Variants in TMTC1 observed in about 807,000 individuals in gnomAD.
The protein encoded by TMTC1 is transmembrane O-mannosyltransferase targeting cadherins 1.
A neutral mutation model predicts 104.8 loss-of-function variants in TMTC1; 73 were observed. That is an observed-to-expected ratio of 0.70 (90% CI 0.58 to 0.85). The LOEUF (loss-of-function observed/expected upper bound fraction) is 0.85. Ranked by LOEUF, TMTC1 falls within the 40% of genes least tolerant of loss-of-function variation. The pLI, the probability that TMTC1 is intolerant of heterozygous loss-of-function variation, is 0.00. For synonymous variants in TMTC1, 434 were observed against 428.7 expected (o/e 1.01, Z -0.15); for missense variants, 1,035 against 1,096.1 (o/e 0.94, Z 0.79).
upstream of TMTC1, chr12:29,784,410 C>G (rs1237349618): frequency 6.6e-6 from 1 of 152,272 alleles, no homozygotes; most frequent in African/African-American, 2.4e-5. Flanking sequence ...ACCCGCCCCG[C>G]GCTCGCGTCC....
intron 10 of TMTC1, among the ~76,000 whole-genome samples, chr12:29,540,458 T>A (rs946079018): frequency 6.6e-6 from 1 of 152,172 alleles, no homozygotes; most frequent in Non-Finnish European, 1.5e-5. Flanking sequence ...ACAGCTTCGA[T>A]AACACCTGGA....
chr12:29,642,872 C>T (rs1206046284), intron 5 of TMTC1, among the ~76,000 whole-genome samples: 1 of 151,738 alleles, frequency 6.6e-6, no homozygotes, highest in Non-Finnish European at 1.5e-5. Context: ...TTACAGTGAG[C>T]CGAGATCGCG....
Position 29,501,076 on chromosome 12 carries a change from G to T in TMTC1, c.*5770C>A, listed in dbSNP as rs1468259185. On this transcript the variant is annotated 3_prime_UTR_variant, in exon 18 of 18. Coordinates refer to ENST00000539277, the MANE Select transcript of TMTC1 (RefSeq NM_001193451.2). Reference sequence around the variant, plus strand: ...ATCATTTCCCCCTGACAAAAGGAGGGATCTGCGTGAATTACAGCAAATCAA... The same window carrying T: ...ATCATTTCCCCCTGACAAAAGGAGGTATCTGCGTGAATTACAGCAAATCAA... 6.6e-6 allele frequency: 1 copy of T among 152,484 alleles called. No individual in the cohort carries two copies. Among genetic ancestry groups the T allele is most frequent in the Non-Finnish European group, 1.5e-5 (1 of 68,028 alleles). The allele number at this position is 152,484 out of a possible 1,614,324, so 9.4% of individuals were successfully genotyped here. A position where few individuals can be genotyped will look rare whatever the true frequency, so the allele number is the denominator to read the frequency against.
intron 5 of TMTC1, among the ~76,000 whole-genome samples, chr12:29,712,033 A>G (rs1274110207): frequency 1.5e-5 from 2 of 136,680 alleles, no homozygotes; most frequent in African/African-American, 5.3e-5. Flanking sequence ...AAAAAAAAAA[A>G]AAGAGCAACC....
intron 3 of TMTC1, among the ~76,000 whole-genome samples, chr12:29,756,197 T>C (rs1412255679): frequency 6.6e-6 from 1 of 152,214 alleles, no homozygotes. Flanking sequence ...ATCGAGTTAC[T>C]AAACTATATG....
At chr12:29,742,398 C>T (rs887262273) in intron 5 of TMTC1, among the ~76,000 whole-genome samples, 8 of 152,058 alleles carry the variant, frequency 5.3e-5, no homozygotes, top group Non-Finnish European at 7.4e-5. Context: ...AATGACAGGT[C>T]GCTCATGAAG....
rs373860846 is a variant in TMTC1, at chr12:29,504,897, T to C, written c.*1949A>G. 6.6e-6 allele frequency: 1 copy of C among 152,200 alleles called. No homozygotes were observed. Among genetic ancestry groups the C allele is most frequent in the African/African-American group, 2.4e-5 (1 of 41,454 alleles). The allele number at this position is 152,200 out of a possible 1,614,324, so 9.4% of individuals were successfully genotyped here. ...CACTTTTTTCAATTTGAGGGTGTGG[T>C]TGTTATTTTACAATAAACACTGGAG... On this transcript the variant is annotated 3_prime_UTR_variant, in exon 18 of 18. Coordinates refer to ENST00000539277, the MANE Select transcript of TMTC1 (RefSeq NM_001193451.2).
At chr12:29,568,522 A>T (rs940047054) in intron 9 of TMTC1, among the ~76,000 whole-genome samples, 1 of 152,200 alleles carries the variant, frequency 6.6e-6, no homozygotes, top group Non-Finnish European at 1.5e-5. Flanking sequence ...TGAATTATGG[A>T]GGTGCTTTTG....
chr12:29,638,798 G>T (rs1158681413), intron 5 of TMTC1, among the ~76,000 whole-genome samples: 1 of 152,112 alleles, frequency 6.6e-6, no homozygotes, highest in Non-Finnish European at 1.5e-5. Context: ...CCTGCCAGGG[G>T]GATAAGGGAA....
At chr12:29,738,756 T>C (rs1191062840) in intron 5 of TMTC1, among the ~76,000 whole-genome samples, 3 of 152,248 alleles carry the variant, frequency 2.0e-5, no homozygotes, top group Non-Finnish European at 4.4e-5. Flanking sequence ...CATTATTTTC[T>C]GTTCTTTAGA....
chr12:29,760,773 C>T (rs1029164578), intron 2 of TMTC1, among the ~76,000 whole-genome samples: 15 of 150,928 alleles, frequency 9.9e-5, no homozygotes, highest in Middle Eastern at 3.6e-3. Context: ...TGTAGCGTTA[C>T]ATTTTATTGC....
intron 2 of TMTC1, among the ~76,000 whole-genome samples, chr12:29,762,044 G>A (rs1014249429): frequency 3.3e-5 from 5 of 152,000 alleles, no homozygotes; most frequent in Admixed American, 6.6e-5. Context: ...ATGCCTAGCC[G>A]GGTGTGCACC....
chr12:29,566,064 T>C (rs1338402423), intron 9 of TMTC1, among the ~76,000 whole-genome samples: 1 of 151,678 alleles, frequency 6.6e-6, no homozygotes, highest in East Asian at 1.9e-4. Context: ...TGGAGAAAAA[T>C]GAAGCAAAGA....
At chr12:29,604,989 T>A (rs923876227) in intron 6 of TMTC1, among the ~76,000 whole-genome samples, 4 of 152,182 alleles carry the variant, frequency 2.6e-5, no homozygotes, top group African/African-American at 9.6e-5. Context: ...ATGTCACTTA[T>A]AATTAACAGA....
intron 10 of TMTC1, among the ~76,000 whole-genome samples, chr12:29,548,912 T>C (rs1040391668): frequency 6.9e-6 from 1 of 143,982 alleles, no homozygotes; most frequent in African/African-American, 2.5e-5. Context: ...TTAATATATT[T>C]ATTTACATAT....
intron 5 of TMTC1, among the ~76,000 whole-genome samples, chr12:29,709,129 T>A (rs879801001): frequency 1.3e-5 from 2 of 152,218 alleles, no homozygotes; most frequent in Admixed American, 6.5e-5. Context: ...ATTCCATCTA[T>A]AACACACTCA....
intron 7 of TMTC1, among the ~76,000 whole-genome samples, chr12:29,595,307 C>T: frequency 6.6e-6 from 1 of 152,196 alleles, no homozygotes; most frequent in East Asian, 1.9e-4. Context: ...TGACTGAGCA[C>T]AACACATTGG....
intron 11 of TMTC1, among the ~76,000 whole-genome samples, chr12:29,531,009 A>T (rs1446308644): frequency 6.6e-6 from 1 of 152,158 alleles, no homozygotes; most frequent in African/African-American, 2.4e-5. Flanking sequence ...TCCCCTTAAC[A>T]TGTTCACTGG....
intron 5 of TMTC1, among the ~76,000 whole-genome samples, chr12:29,647,513 A>AACTATGAGGAAG (rs112409928): frequency 0.015 from 2,291 of 152,310 alleles, 55 homozygotes; most frequent in African/African-American, 0.053. Context: ...TAACGGATGC[A>AACTATGAGGAAG]ACATAGAGTC....
Sources: allele counts gnomAD v4.1 joint callset (sites outside exome capture counted in the v4.1 genomes callset), GRCh38; gene constraint gnomAD v4.1.1; transcripts MANE v1.5; gene names NCBI Gene and HGNC (gene_info 2026-07-23, HGNC 2026-07-21).